DAB1: variants seen among roughly 807,000 people sequenced by gnomAD.
The protein encoded by DAB1 is disabled homolog 1.
Under a neutral mutation model 64.6 loss-of-function variants are expected in DAB1, and 15 were observed. The observed-to-expected ratio is 0.23, with a 90% CI of 0.16 to 0.36. The LOEUF (loss-of-function observed/expected upper bound fraction) is 0.36, where lower values mean the gene tolerates loss of function less well. Ranked by LOEUF, DAB1 falls within the 10% of genes least tolerant of loss-of-function variation. The pLI, the probability that DAB1 is intolerant of heterozygous loss-of-function variation, is 1.00. For missense variants in DAB1, 596 were observed against 706.7 expected (o/e 0.84, Z 1.78); for synonymous variants, 235 against 251.9 (o/e 0.93, Z 0.64).
chr1:58,448,349 T>C (rs374696508), intron 3 of DAB1, among the ~76,000 whole-genome samples: 28 of 152,286 alleles, frequency 1.8e-4, no homozygotes, highest in African/African-American at 6.5e-4. Context: ...ATAGATAAGA[T>C]AGGTAGATAA....
rs1371195645 is a variant in DAB1, at chr1:57,398,276, A to C, written c.-137+25654T>G. ...GACAACATGTATATGAATAACTAGA[A>C]CATGGGGCCTTATGTGAGTGCCCTC... On this transcript the variant is annotated intron_variant, in intron 1 of 14. Transcript: ENST00000371236. Among the ~76,000 whole-genome samples the C allele has an allele frequency of 2.0e-5, 3 of 152,170 alleles. No homozygotes were observed. The East Asian group carries it at 5.8e-4, about 29-fold the overall frequency.
At chr1:57,488,082 G>T (rs930070862) in intron 7 of DAB1, among the ~76,000 whole-genome samples, 3 of 152,070 alleles carry the variant, frequency 2.0e-5, no homozygotes, top group African/African-American at 7.2e-5. Flanking sequence ...GGAATTGCTG[G>T]ATCAATTGGT....
chr1:57,616,536 G>T (rs1463870827), intron 7 of DAB1, among the ~76,000 whole-genome samples: 1 of 151,906 alleles, frequency 6.6e-6, no homozygotes, highest in East Asian at 1.9e-4. Context: ...GCAATCTGTG[G>T]GATTCTACAA....
chr1:57,487,021 G>A (rs1644101317), intron 7 of DAB1, among the ~76,000 whole-genome samples: 1 of 151,912 alleles, frequency 6.6e-6, no homozygotes, highest in Non-Finnish European at 1.5e-5. Context: ...GGTTCCCAAG[G>A]AGGGGAACAG....
chr1:57,069,417 C>T lies in DAB1; in HGVS notation c.606G>A (p.Val202=). The T allele has an allele frequency of 6.2e-7, 1 of 1,613,128 alleles. No individual in the cohort carries two copies. Among genetic ancestry groups the T allele is most frequent in the Admixed American group, 1.7e-5 (1 of 60,004 alleles). ...GGATTGGCTCGTGTCCAGCCTCAAACACAATGTACTATTACAGGAGCAGCC... is the reference window on the plus strand; with the variant it reads ...GGATTGGCTCGTGTCCAGCCTCAAATACAATGTACTATTACAGGAGCAGCC... The part of the protein sequence containing the change: ...DVEDPVYQYI[V]FEAGHEPIRD... Residue 202 remains valine (V), a synonymous_variant, in exon 8 of 15, where the codon GTG becomes GTA. Transcript: ENST00000371236.
At chr1:58,215,422 G>A (rs554798496) in intron 4 of DAB1, among the ~76,000 whole-genome samples, 73 of 146,642 alleles carry the variant, frequency 5.0e-4, no homozygotes, top group African/African-American at 1.6e-3. Flanking sequence ...TTTTTTTACC[G>A]TATTAATATT....
At chr1:57,010,589 A>T in intron 14 of DAB1, 91 bp downstream of exon 14, 1 of 616,632 alleles carries the variant, frequency 1.6e-6, no homozygotes, top group Non-Finnish European at 2.7e-6. Context: ...CATGGTGCAA[A>T]CATTGAGGAT....
rs539370585 is a variant in DAB1 at position 58,011,729 on chromosome 1, C to G, written n.388-127567G>C. Among the ~76,000 whole-genome samples the G allele has an allele frequency of 4.6e-5, 7 of 152,178 alleles. No individual in the cohort carries two copies. The East Asian group carries it at 1.4e-3, about 29-fold the overall frequency. ...TGGAGACGAAGTCTCTTTCTGTCGCCCAGGCTGGAGTGCAGTGGTGCGATC... is the reference window on the plus strand; with the variant it reads ...TGGAGACGAAGTCTCTTTCTGTCGCGCAGGCTGGAGTGCAGTGGTGCGATC... On this transcript the variant is annotated intron_variant and non_coding_transcript_variant, in intron 5 of 20. Coordinates refer to the DAB1 transcript ENST00000485760.
At chr1:58,320,039 C>T (rs1436351920) in intron 4 of DAB1, among the ~76,000 whole-genome samples, 4 of 152,208 alleles carry the variant, frequency 2.6e-5, no homozygotes, top group Admixed American at 6.5e-5. Context: ...CAAGCATTTA[C>T]TGAGCTCATA....
intron 12 of DAB1, among the ~76,000 whole-genome samples, chr1:57,011,827 GTTT>G (rs1646275549): frequency 1.3e-5 from 2 of 152,216 alleles, no homozygotes; most frequent in African/African-American, 4.8e-5. Context: ...GGAAAGTGAA[GTTT>G]GCTAATTTGC....
chr1:58,153,742 T>G (rs1455402345), intron 4 of DAB1, among the ~76,000 whole-genome samples: 4 of 151,416 alleles, frequency 2.6e-5, no homozygotes, highest in African/African-American at 7.3e-5. Context: ...AATCTGCTTC[T>G]TACAGAATAG....
intron 3 of DAB1, among the ~76,000 whole-genome samples, chr1:58,402,976 C>T (rs1344910725): frequency 1.3e-5 from 2 of 148,320 alleles, no homozygotes; most frequent in Non-Finnish European, 3.1e-5. Context: ...ACCATGCCTC[C>T]AGTTCTCAGG....
At chr1:58,217,111 T>C (rs1339274970) in intron 4 of DAB1, among the ~76,000 whole-genome samples, 1 of 152,214 alleles carries the variant, frequency 6.6e-6, no homozygotes, top group Non-Finnish European at 1.5e-5. Context: ...TATAAGCATC[T>C]TGTATGTTTT....
chr1:57,389,465 G>A (rs559065211), intron 1 of DAB1, among the ~76,000 whole-genome samples: 4 of 152,300 alleles, frequency 2.6e-5, no homozygotes, highest in African/African-American at 9.6e-5. Flanking sequence ...TTGTACCCAT[G>A]TGGGTTCAAC....
intron 4 of DAB1, among the ~76,000 whole-genome samples, chr1:58,261,010 T>TA (rs1477567002): frequency 6.6e-6 from 1 of 152,208 alleles, no homozygotes. Flanking sequence ...ATAATTTATG[T>TA]GCAATAATTT....
At chr1:57,110,043 T>A (rs1302851769) in intron 4 of DAB1, among the ~76,000 whole-genome samples, 2 of 152,116 alleles carry the variant, frequency 1.3e-5, no homozygotes, top group East Asian at 3.9e-4. Flanking sequence ...CATAACGAGA[T>A]CAACCTTGAG....
intron 4 of DAB1, among the ~76,000 whole-genome samples, chr1:58,300,748 T>C (rs116481275): frequency 6.7e-6 from 1 of 148,448 alleles, no homozygotes; most frequent in African/African-American, 2.5e-5. Flanking sequence ...AGCAAGGAAG[T>C]AGGGCTTCCT....
At chr1:57,441,874 C>T (rs938268686) in intron 7 of DAB1, among the ~76,000 whole-genome samples, 10 of 152,218 alleles carry the variant, frequency 6.6e-5, no homozygotes, top group African/African-American at 2.2e-4. Context: ...CTGCTTTCCT[C>T]AGTGGCTGAA....
chr1:57,851,641 T>C (rs1360138138), intron 1 of DAB1, among the ~76,000 whole-genome samples: 1 of 152,220 alleles, frequency 6.6e-6, no homozygotes, highest in Non-Finnish European at 1.5e-5. Flanking sequence ...ATTCTTCCTA[T>C]GTGACATTTT....
Sources: gnomAD v4.1 joint callset for allele counts (sites outside exome capture counted in the v4.1 genomes callset) on GRCh38, gnomAD v4.1.1 for gene constraint, MANE v1.5 for transcripts, NCBI Gene and HGNC (gene_info 2026-07-23, HGNC 2026-07-21) for gene names.